The following DCC variants were observed in gnomAD, a reference collection of about 807,000 sequenced individuals.
DCC encodes DCC netrin 1 receptor.
DCC carries 58 observed loss-of-function variants against 172.5 expected under a neutral mutation model. The observed-to-expected ratio is 0.34, with a 90% CI of 0.27 to 0.42. The LOEUF (loss-of-function observed/expected upper bound fraction) is 0.42, where lower values mean the gene tolerates loss of function less well. Among genes scored for constraint, DCC ranks in the 10% least tolerant of loss-of-function variants. The pLI is 1.00. For synonymous variants in DCC, 709 were observed against 644.5 expected, an observed-to-expected ratio of 1.10 and a Z score of -1.52; for missense variants, 1,740 against 1,791.0, an observed-to-expected ratio of 0.97 and a Z score of 0.51.
At chr18:52,929,862 ACT>A (rs756113219) in intron 5 of DCC, among the ~76,000 whole-genome samples, 2,279 of 129,378 alleles carry the variant, frequency 0.018, 28 homozygotes, top group Non-Finnish European at 0.029. Context: ...ACACACACAC[ACT>A]CACGTTTGTT....
intron 3 of DCC, among the ~76,000 whole-genome samples, chr18:52,911,070 A>G (rs1448856190): frequency 6.6e-6 from 1 of 152,136 alleles, no homozygotes; most frequent in Non-Finnish European, 1.5e-5. Flanking sequence ...TATTACTTAC[A>G]TTTCAAAACT....
At chr18:53,235,622 T>C (rs186085762) in intron 12 of DCC, among the ~76,000 whole-genome samples, 28 of 152,286 alleles carry the variant, frequency 1.8e-4, no homozygotes, top group African/African-American at 6.3e-4. Flanking sequence ...TAGTAAAATA[T>C]ACATAACACA....
chr18:53,090,722 A>C (rs2042993637), intron 7 of DCC, among the ~76,000 whole-genome samples: 1 of 131,564 alleles, frequency 7.6e-6, no homozygotes, highest in Admixed American at 7.6e-5. Flanking sequence ...AAAAAAAAAA[A>C]AAAAAAAAAA....
chr18:53,383,197 A>G (rs948630435), intron 15 of DCC, among the ~76,000 whole-genome samples: 2 of 151,940 alleles, frequency 1.3e-5, no homozygotes, highest in Admixed American at 6.6e-5. Context: ...CGTTGTCTCT[A>G]TTTTATCTTA....
intron 12 of DCC, among the ~76,000 whole-genome samples, chr18:53,261,950 C>G (rs1281698678): frequency 6.6e-6 from 1 of 152,112 alleles, no homozygotes; most frequent in Non-Finnish European, 1.5e-5. Context: ...TAGGGACTTA[C>G]CAATAAAAGC....
chr18:53,377,087 C>T (rs541957697), intron 15 of DCC, among the ~76,000 whole-genome samples: 1 of 152,238 alleles, frequency 6.6e-6, no homozygotes, highest in Admixed American at 6.5e-5. Flanking sequence ...TCTTCTTCAA[C>T]TCACATCTCT....
chr18:53,025,851 G>T (rs929801347), intron 5 of DCC, among the ~76,000 whole-genome samples: 1 of 149,084 alleles, frequency 6.7e-6, no homozygotes, highest in African/African-American at 2.5e-5. Context: ...CCATATCTGA[G>T]GGTATTAAAC....
chr18:52,388,403 A>G (rs1308103409), intron 1 of DCC, among the ~76,000 whole-genome samples: 1 of 152,144 alleles, frequency 6.6e-6, no homozygotes, highest in Non-Finnish European at 1.5e-5. Flanking sequence ...CCAGGATCAG[A>G]CAAGAGAATT....
At chr18:53,401,855 T>A (rs1297237114) in intron 18 of DCC, among the ~76,000 whole-genome samples, 1 of 152,148 alleles carries the variant, frequency 6.6e-6, no homozygotes, top group African/African-American at 2.4e-5. Flanking sequence ...TTGGCTAGCT[T>A]AACCAGTTTG....
chr18:53,355,839 C>A (rs921217387), intron 15 of DCC, among the ~76,000 whole-genome samples: 5 of 152,012 alleles, frequency 3.3e-5, no homozygotes, highest in African/African-American at 1.2e-4. Context: ...TTTCTCACTG[C>A]TTTGAAGAAT....
At chr18:52,580,855 A>C (rs903900029) in intron 1 of DCC, among the ~76,000 whole-genome samples, 2 of 152,188 alleles carry the variant, frequency 1.3e-5, no homozygotes, top group Non-Finnish European at 1.5e-5. Flanking sequence ...CCTGCCTTTT[A>C]ACCACTGTGG....
intron 5 of DCC, among the ~76,000 whole-genome samples, chr18:53,029,809 G>A (rs1176846949): frequency 2.0e-5 from 3 of 152,088 alleles, no homozygotes; most frequent in Non-Finnish European, 2.9e-5. Flanking sequence ...GAGCCTATTT[G>A]TCTTAGATCA....
intron 2 of DCC, among the ~76,000 whole-genome samples, chr18:52,840,516 G>C (rs147008653): frequency 1.3e-5 from 2 of 152,044 alleles, no homozygotes. Context: ...AATCAGCTTG[G>C]TATTTTTTTC....
intron 1 of DCC, among the ~76,000 whole-genome samples, chr18:52,499,403 C>T (rs141652249): frequency 4.1e-4 from 63 of 152,218 alleles, no homozygotes; most frequent in Non-Finnish European, 7.2e-4. Flanking sequence ...TACCTATTAG[C>T]GGCCTGTTTT....
At chr18:53,106,165 A>G (rs887693680) in intron 7 of DCC, among the ~76,000 whole-genome samples, 1 of 151,834 alleles carries the variant, frequency 6.6e-6, no homozygotes, top group Non-Finnish European at 1.5e-5. Flanking sequence ...CTCTTTGGCA[A>G]TTGGGCTTGA....
rs181958675 is a variant in DCC, at chr18:52,402,618, T to C, written c.91+61740T>C. 1.1e-3 allele frequency among the ~76,000 whole-genome samples: 173 copies of C among 152,136 alleles called. 4 individuals carry two copies. The highest frequency in any genetic ancestry group is 3.8e-3 in the African/African-American group (159 of 41,548). Reference sequence around the variant, plus strand: ...TTCTGTCTGTCATTTACAAAATAAGTTGGTTTTTTAGATGTCGCATTTTAA... The same window carrying C: ...TTCTGTCTGTCATTTACAAAATAAGCTGGTTTTTTAGATGTCGCATTTTAA... On this transcript the variant is annotated intron_variant, in intron 1 of 28. Coordinates refer to ENST00000442544, the MANE Select transcript of DCC (RefSeq NM_005215.4).
At chr18:52,951,761 A>G (rs2040651979) in intron 5 of DCC, among the ~76,000 whole-genome samples, 1 of 152,216 alleles carries the variant, frequency 6.6e-6, no homozygotes, top group South Asian at 2.1e-4. Context: ...TTCTCCAGAT[A>G]TGTAGTTAGA....
chr18:53,440,383 A>G (rs1175748448), intron 22 of DCC, among the ~76,000 whole-genome samples: 1 of 152,206 alleles, frequency 6.6e-6, no homozygotes, highest in Non-Finnish European at 1.5e-5. Context: ...AAACTTTGGT[A>G]CATCAATGTT....
At chr18:52,995,518 T>C (rs2041464266) in intron 5 of DCC, among the ~76,000 whole-genome samples, 1 of 151,870 alleles carries the variant, frequency 6.6e-6, no homozygotes, top group East Asian at 1.9e-4. Context: ...ACACAGCGAT[T>C]GTGTTTGGTT....
Sources: allele counts gnomAD v4.1 joint callset (sites outside exome capture counted in the v4.1 genomes callset), GRCh38; gene constraint gnomAD v4.1.1; transcripts MANE v1.5; gene names NCBI Gene and HGNC (gene_info 2026-07-23, HGNC 2026-07-21).